TMLHE: variants seen among roughly 807,000 people sequenced by gnomAD.
The protein encoded by TMLHE is trimethyllysine dioxygenase, mitochondrial.
TMLHE carries 18 observed loss-of-function variants against 25.7 expected under a neutral mutation model. The ratio of observed to expected loss-of-function variants is 0.70; its 90% confidence interval spans 0.48 to 1.04. The LOEUF is 1.04. Ranked by LOEUF, TMLHE falls within the 50% of genes least tolerant of loss-of-function variation. The pLI, the probability that TMLHE is intolerant of heterozygous loss-of-function variation, is 0.00. For synonymous variants in TMLHE, 105 were observed against 97.0 expected, an observed-to-expected ratio of 1.08 and a Z score of -0.49; for missense variants, 236 against 259.0, an observed-to-expected ratio of 0.91 and a Z score of 0.61.
At position 155,551,672 on chromosome X, in the gene TMLHE, C is replaced by CA. The variant is rs781904389; in HGVS notation, c.-1-6396dup. Among the ~76,000 whole-genome samples the CA allele has an allele frequency of 4.5e-5, 5 of 109,941 alleles. No individual in the cohort carries two copies. In the East Asian group the frequency reaches 8.5e-4, roughly 19 times the overall value. On this transcript the variant is annotated intron_variant, in intron 1 of 7. Coordinates refer to ENST00000334398, the MANE Select transcript of TMLHE (RefSeq NM_018196.4). Reference sequence around the variant, plus strand: ...TATCCTCTGAAGTTTTCCATCTGTTCATTCATTCCACTTATTTGCTCCTGT... The same window carrying CA: ...TATCCTCTGAAGTTTTCCATCTGTTCAATTCATTCCACTTATTTGCTCCTGT...
Position 155,524,619 on chromosome X carries a change from A to C in TMLHE, c.195T>G (p.Ala65=). The C allele has an allele frequency of 4.2e-6, 5 of 1,178,464 alleles. No individual in the cohort carries two copies. The highest frequency in any genetic ancestry group is 5.7e-6 in the Non-Finnish European group (5 of 878,306). Reference sequence around the variant, plus strand: ...CGTAATCAAAGCGCATCACGGTATTAGCATATTTCAGCTCTAGGGAAAAGA... The same window carrying C: ...CGTAATCAAAGCGCATCACGGTATTCGCATATTTCAGCTCTAGGGAAAAGA... The part of the protein sequence containing the change: ...QHEDHFELKY[A]NTVMRFDYVW... The change falls in exon 3 of 8, where the codon GCT becomes GCG. Residue 65 remains alanine (A), a synonymous_variant. Coordinates refer to ENST00000334398, the MANE Select transcript of TMLHE (RefSeq NM_018196.4).
chrX:155,546,343 G>T (rs782197541), intron 1 of TMLHE, among the ~76,000 whole-genome samples: 9 of 111,475 alleles, frequency 8.1e-5, no homozygotes, highest in Non-Finnish European at 1.7e-4. Context: ...AACACCATTT[G>T]CATAAGGTCT....
chrX:155,553,731 T>G (rs1237809090), intron 1 of TMLHE, among the ~76,000 whole-genome samples: 2 of 110,523 alleles, frequency 1.8e-5, no homozygotes, highest in Non-Finnish European at 1.9e-5. Flanking sequence ...TTCTGTTATC[T>G]TTTCTCTCCT....
In TMLHE at chrX:155,536,437, G is replaced by T. The variant is rs1439485801; in HGVS notation, c.181+8659C>A. Among the ~76,000 whole-genome samples the T allele has an allele frequency of 8.1e-5, 9 of 111,171 alleles. No individual in the cohort carries two copies. The East Asian group carries it at 2.5e-3, about 31-fold the overall frequency. ...ATATTCCATTTTCAGGTTAAGAGTT[G>T]CTAGTTATATAAGCAGTGTAGTAGT... is the stretch of plus-strand genomic sequence containing the variant. On this transcript the variant is annotated intron_variant, in intron 2 of 7. Transcript: ENST00000334398.
At chrX:155,540,927 T>C (rs2067306537) in intron 2 of TMLHE, among the ~76,000 whole-genome samples, 1 of 111,645 alleles carries the variant, frequency 9.0e-6, no homozygotes, top group Non-Finnish European at 1.9e-5. Context: ...TTATAACTAA[T>C]AAATGATGTC....
chrX:155,512,553 T>G (rs782100920), intron 4 of TMLHE, among the ~76,000 whole-genome samples: 232 of 111,088 alleles, frequency 2.1e-3, no homozygotes, highest in African/African-American at 7.5e-3. Flanking sequence ...CACATTTTCT[T>G]AATCCAGTCT....
intron 1 of TMLHE, among the ~76,000 whole-genome samples, chrX:155,603,633 A>T (rs2067770275): frequency 8.9e-6 from 1 of 111,973 alleles, no homozygotes; most frequent in Non-Finnish European, 1.9e-5. Context: ...ATTTATGGTC[A>T]ATTGGTTTTC....
intron 1 of TMLHE, among the ~76,000 whole-genome samples, chrX:155,549,515 T>C (rs1387484667): frequency 9.0e-6 from 1 of 110,719 alleles, no homozygotes; most frequent in Non-Finnish European, 1.9e-5. Context: ...AGTAAAGTGG[T>C]TAATTATTCT....
intron 1 of TMLHE, among the ~76,000 whole-genome samples, chrX:155,549,939 T>C (rs2067403047): frequency 9.1e-6 from 1 of 109,688 alleles, no homozygotes; most frequent in Non-Finnish European, 1.9e-5. Flanking sequence ...ATGTTCTCAT[T>C]GTTCAACTCC....
At chrX:155,606,022 G>A (rs1209475872) in intron 1 of TMLHE, among the ~76,000 whole-genome samples, 1 of 111,886 alleles carries the variant, frequency 8.9e-6, no homozygotes, top group African/African-American at 3.3e-5. Context: ...CATTACAAAT[G>A]GTAAAGAGTC....
In TMLHE at chrX:155,511,657, A is replaced by C; in HGVS notation, c.758+16T>G. 8.4e-7 allele frequency: 1 copy of C among 1,185,953 alleles called. No individual in the cohort carries two copies. Among genetic ancestry groups the C allele is most frequent in the Non-Finnish European group, 1.1e-6 (1 of 879,716 alleles). ...ACATATAAAGACTTTACACTGTAAA[A>C]GTCTAATCCACCTACCCACAGGGCT... On this transcript the variant is annotated intron_variant, in intron 5 of 7. Transcript: ENST00000334398.
intron 1 of TMLHE, among the ~76,000 whole-genome samples, chrX:155,560,615 AGGCAGAGGG>A (rs2067490832): frequency 1.8e-5 from 1 of 55,065 alleles, no homozygotes; most frequent in African/African-American, 3.9e-5. Context: ...AAAGTAGACT[AGGCAGAGGG>A]GATAGCCAAT....
intron 1 of TMLHE, among the ~76,000 whole-genome samples, chrX:155,584,754 C>A (rs1013891173): frequency 8.1e-5 from 9 of 111,219 alleles, no homozygotes; most frequent in Admixed American, 1.9e-4. Context: ...GCCAAGGATA[C>A]TATCCCCAGC....
intron 2 of TMLHE, among the ~76,000 whole-genome samples, chrX:155,540,864 G>T (rs2067306128): frequency 9.1e-6 from 1 of 110,478 alleles, no homozygotes; most frequent in African/African-American, 3.3e-5. Context: ...ATTCACAGAT[G>T]ACATGATCTT....
Position 155,549,514 on chromosome X carries a change from G to C in TMLHE, c.-1-4237C>G, listed in dbSNP as rs782690296. On this transcript the variant is annotated intron_variant, in intron 1 of 7. Coordinates refer to ENST00000334398, the MANE Select transcript of TMLHE (RefSeq NM_018196.4). ...CTTGTTGCTTTATTCTAGTAAAGTG[G>C]TTAATTATTCTAATTGACTTCCTAT... Among the ~76,000 whole-genome samples, 42 of 110,336 alleles carry C rather than the reference G, an allele frequency of 3.8e-4. 1 individual carries two copies. Among genetic ancestry groups the C allele is most frequent in the Non-Finnish European group, 6.8e-4 (36 of 52,946 alleles).
At chrX:155,561,762 C>T (rs5940515) in intron 1 of TMLHE, among the ~76,000 whole-genome samples, 12,105 of 62,210 alleles carry the variant, frequency 0.19, 2,812 homozygotes, top group African/African-American at 0.29. Flanking sequence ...GCCCCACACA[C>T]GTTCAAAACC....
chrX:155,603,216 G>C (rs1557347500), intron 1 of TMLHE, among the ~76,000 whole-genome samples: 1 of 111,354 alleles, frequency 9.0e-6, no homozygotes, highest in African/African-American at 3.3e-5. Context: ...TGTAGTCCCA[G>C]GCACTCAGGA....
In TMLHE at chrX:155,609,524, C is replaced by A. The variant is rs1489358027; in HGVS notation, c.-2+3268G>T. ...TCTATAGAACCAACCTGCCCCTATA[C>A]CTCTGAAACTAAAATAAAAGTAAAA... On this transcript the variant is annotated intron_variant, in intron 1 of 7. Coordinates refer to ENST00000334398, the MANE Select transcript of TMLHE (RefSeq NM_018196.4). Among the ~76,000 whole-genome samples the A allele has an allele frequency of 3.6e-5, 4 of 111,692 alleles. No homozygotes were observed. The Admixed American group carries it at 3.8e-4, about 11-fold the overall frequency.
At chrX:155,511,586 G>C in intron 5 of TMLHE, 87 bp downstream of exon 5, 2 of 954,067 alleles carry the variant, frequency 2.1e-6, no homozygotes, top group South Asian at 6.4e-5. Flanking sequence ...ATATGATCTT[G>C]GTTCGAACAG....
Sources: gnomAD v4.1 joint callset for allele counts (sites outside exome capture counted in the v4.1 genomes callset) on GRCh38, gnomAD v4.1.1 for gene constraint, MANE v1.5 for transcripts, NCBI Gene and HGNC (gene_info 2026-07-23, HGNC 2026-07-21) for gene names.